RYR2: variants seen among roughly 807,000 people sequenced by gnomAD.
The protein encoded by RYR2 is ryanodine receptor 2, also known as cardiac muscle ryanodine receptor-calcium release channel.
Under a neutral mutation model 601.1 loss-of-function variants are expected in RYR2, and 227 were observed. The ratio of observed to expected loss-of-function variants is 0.38; its 90% CI spans 0.34 to 0.42. The LOEUF is 0.42. Among genes scored for constraint, RYR2 ranks in the 10% least tolerant of loss-of-function variants. The pLI is 1.00. For synonymous variants in RYR2, 2,223 were observed against 2,175.1 expected, an observed-to-expected ratio of 1.02 and a Z score of -0.61; for missense variants, 4,646 against 6,156.5, an observed-to-expected ratio of 0.75 and a Z score of 8.21.
At chr1:237,261,078 A>G (rs1688462561) in intron 1 of RYR2, among the ~76,000 whole-genome samples, 1 of 152,248 alleles carries the variant, frequency 6.6e-6, no homozygotes, top group South Asian at 2.1e-4. Flanking sequence ...TATGACATAA[A>G]TGTCAAAAGC....
chr1:237,260,377 A>G (rs1688395842), intron 1 of RYR2, among the ~76,000 whole-genome samples: 1 of 152,230 alleles, frequency 6.6e-6, no homozygotes, highest in South Asian at 2.1e-4. Flanking sequence ...AAGAACCCTC[A>G]GAGATATTTC....
At chr1:237,727,298 G>A (rs1024500709) in intron 76 of RYR2, 99 bp downstream of exon 76, 2 of 476,868 alleles carry the variant, frequency 4.2e-6, no homozygotes, top group East Asian at 3.3e-5. Flanking sequence ...AATAGTCCAA[G>A]AGAAGGATGG....
At chr1:237,517,006 A>G (rs557830294) in intron 24 of RYR2, among the ~76,000 whole-genome samples, 5 of 152,224 alleles carry the variant, frequency 3.3e-5, no homozygotes, top group South Asian at 2.1e-4. Context: ...AAACTGTTCA[A>G]TGGCTTCCCA....
chr1:237,452,077 T>TTGTGTG (rs763042123), intron 14 of RYR2, among the ~76,000 whole-genome samples: 5 of 74,544 alleles, frequency 6.7e-5, no homozygotes, highest in African/African-American at 9.8e-5. Context: ...ATATAAAATT[T>TTGTGTG]TGTGTGTGTG....
At position 237,042,294 on chromosome 1, in the gene RYR2, G is replaced by T. The variant is rs1659994140; in HGVS notation, c.-228G>T. 7 of 233,932 alleles carry T rather than the reference G, an allele frequency of 3.0e-5. No individual in the cohort carries two copies. The highest frequency in any genetic ancestry group is 4.6e-5 in the African/African-American group (2 of 43,508). The allele number at this position is 233,932 out of a possible 1,614,324, so 14.5% of individuals were successfully genotyped here. ...TCCGGGCCCGGGCCGCCCTCCTCCC[G>T]CACAGTGCGGAGCAGGGAGGCCCCG... On this transcript the variant is annotated 5_prime_UTR_variant, in exon 1 of 105. Transcript: ENST00000366574.
chr1:237,775,075 C>CAAAAAAAAA (rs5781992), intron 87 of RYR2, among the ~76,000 whole-genome samples: 10 of 90,436 alleles, frequency 1.1e-4, no homozygotes, highest in East Asian at 3.5e-4. Flanking sequence ...CAATAAGAAC[C>CAAAAAAAAA]AAAAAAAAAA....
At chr1:237,832,454 A>G (rs1663912624) in intron 104 of RYR2, 98 bp from the exon 105 acceptor site, 6 of 694,942 alleles carry the variant, frequency 8.6e-6, no homozygotes, top group African/African-American at 3.6e-5. Context: ...GGACTTCTCT[A>G]TTCCGTGCGA....
At chr1:237,795,666 GTC>G (rs1248899519) in intron 96 of RYR2, among the ~76,000 whole-genome samples, 1 of 151,612 alleles carries the variant, frequency 6.6e-6, no homozygotes, top group Non-Finnish European at 1.5e-5. Flanking sequence ...GGCCTGGCTG[GTC>G]TCTGACTCCT....
At chr1:237,637,085 T>C (rs1170548648) in intron 44 of RYR2, among the ~76,000 whole-genome samples, 1 of 152,192 alleles carries the variant, frequency 6.6e-6, no homozygotes, top group Admixed American at 6.5e-5. Context: ...GACGGCCATG[T>C]TCTGCGTCTT....
chr1:237,816,705 A>AG (rs1558476950), intron 100 of RYR2, among the ~76,000 whole-genome samples: 1 of 138,184 alleles, frequency 7.2e-6, no homozygotes, highest in African/African-American at 2.7e-5. Flanking sequence ...AAAAAAAAAA[A>AG]AGGAAAAAAG....
At chr1:237,736,630 A>G (rs1462418735) in intron 79 of RYR2, among the ~76,000 whole-genome samples, 1 of 152,118 alleles carries the variant, frequency 6.6e-6, no homozygotes, top group Admixed American at 6.5e-5. Context: ...TGAAGTCTAT[A>G]AAGGAAGGCT....
chr1:237,739,219 T>G lies in RYR2; in HGVS notation c.11092-3077T>G, dbSNP rs193168737. 1.3e-3 allele frequency among the ~76,000 whole-genome samples: 202 copies of G among 152,338 alleles called. 1 individual carries two copies. Among genetic ancestry groups the G allele is most frequent in the East Asian group, 1.2e-3 (6 of 5,182 alleles). On this transcript the variant is annotated intron_variant, in intron 79 of 104. Transcript: ENST00000366574. ...TTGGTGATAATTTGAAAAATCATTT[T>G]ACATCTTTGTATCTTTCAAGCCACA...
At chr1:237,641,476 TCTTTCTTTC>T (rs1681489000) in intron 47 of RYR2, among the ~76,000 whole-genome samples, 1 of 17,676 alleles carries the variant, frequency 5.7e-5, no homozygotes, top group Non-Finnish European at 4.2e-4. Context: ...TGTCTGTCTT[TCTTTCTTTC>T]TTTCTTTCTT....
intron 1 of RYR2, among the ~76,000 whole-genome samples, chr1:237,244,970 C>T (rs533675958): frequency 3.9e-5 from 6 of 152,082 alleles, no homozygotes; most frequent in Non-Finnish European, 7.4e-5. Context: ...TTTATCAGCA[C>T]TTGTTAAAGA....
chr1:237,524,757 G>T (rs10925443), intron 24 of RYR2, among the ~76,000 whole-genome samples: 368 of 151,976 alleles, frequency 2.4e-3, no homozygotes, highest in African/African-American at 7.9e-3. Context: ...GATATATATA[G>T]AGAGAGATTC....
chr1:237,643,857 G>A (rs1249937575), intron 48 of RYR2, among the ~76,000 whole-genome samples: 3 of 152,024 alleles, frequency 2.0e-5, no homozygotes, highest in African/African-American at 4.8e-5. Flanking sequence ...CTCGTGATCC[G>A]CCTGCCTTGG....
intron 1 of RYR2, among the ~76,000 whole-genome samples, chr1:237,068,569 TA>T (rs1663933283): frequency 6.6e-6 from 1 of 152,278 alleles, no homozygotes; most frequent in African/African-American, 2.4e-5. Context: ...TAGGGGCTTT[TA>T]AAAAACACTT....
chr1:237,518,282 A>G, intron 24 of RYR2, among the ~76,000 whole-genome samples: 1 of 152,060 alleles, frequency 6.6e-6, no homozygotes, highest in East Asian at 1.9e-4. Context: ...AAATTGTACA[A>G]ATTTACAGGG....
At chr1:237,509,131 A>G (rs890060331) in intron 23 of RYR2, among the ~76,000 whole-genome samples, 2 of 152,180 alleles carry the variant, frequency 1.3e-5, no homozygotes, top group Middle Eastern at 3.2e-3. Flanking sequence ...GTCTGAGGCC[A>G]GTTGAGGCAA....
Sources: allele counts gnomAD v4.1 joint callset (sites outside exome capture counted in the v4.1 genomes callset), GRCh38; gene constraint gnomAD v4.1.1; transcripts MANE v1.5; gene names NCBI Gene and HGNC (gene_info 2026-07-23, HGNC 2026-07-21).